EFCAB13: variants seen among roughly 807,000 people sequenced by gnomAD.
The protein encoded by EFCAB13 is EF-hand calcium binding domain 13.
In EFCAB13, 91 loss-of-function variants were observed where a neutral mutation model predicts 110.2. The observed-to-expected ratio is 0.83, with a 90% CI of 0.70 to 0.98. The LOEUF (loss-of-function observed/expected upper bound fraction) is 0.98, where lower values mean the gene tolerates loss of function less well. Ranked by LOEUF, EFCAB13 falls within the 50% of genes least tolerant of loss-of-function variation. EFCAB13 has a pLI of 0.00. For missense variants in EFCAB13, 968 were observed against 1,119.4 expected (o/e 0.86, Z 1.93); for synonymous variants, 323 against 369.9 (o/e 0.87, Z 1.45).
At chr17:47,344,330 G>C (rs570321002) in intron 7 of EFCAB13, 38 bp downstream of exon 7, 2 of 1,595,142 alleles carry the variant, frequency 1.3e-6, no homozygotes, top group Non-Finnish European at 8.5e-7. Flanking sequence ...TAAATGTTGG[G>C]TTCAGACTTG....
chr17:47,375,083 C>A (rs2065607282), intron 12 of EFCAB13, 117 bp downstream of exon 12: 2 of 1,042,788 alleles, frequency 1.9e-6, no homozygotes, highest in Non-Finnish European at 2.5e-6. Flanking sequence ...ACCACCACTT[C>A]TTTTTTTTTT....
At chr17:47,362,665 T>C (rs1429790294) in intron 10 of EFCAB13, among the ~76,000 whole-genome samples, 1 of 152,180 alleles carries the variant, frequency 6.6e-6, no homozygotes, top group East Asian at 1.9e-4. Flanking sequence ...TGCCTTCATG[T>C]TCCATCCTGT....
At chr17:47,426,935 T>C (rs1904982916) in intron 23 of EFCAB13, among the ~76,000 whole-genome samples, 1 of 152,130 alleles carries the variant, frequency 6.6e-6, no homozygotes, top group African/African-American at 2.4e-5. Context: ...TTTACTATCA[T>C]AAGAATTTAA....
rs888955439 is a variant in EFCAB13 at position 47,362,575 on chromosome 17, G to A, written c.805+1054G>A. On this transcript the variant is annotated intron_variant, in intron 10 of 24. Transcript: ENST00000331493. ...GGAGGGCCTGACGGAGGGCCTGACTGATGTCAGGCCTGCCCGCAGTTATCC... is the reference window on the plus strand; with the variant it reads ...GGAGGGCCTGACGGAGGGCCTGACTAATGTCAGGCCTGCCCGCAGTTATCC... 4.6e-5 allele frequency among the ~76,000 whole-genome samples: 7 copies of A among 152,084 alleles called. No individual in the cohort carries two copies. The South Asian group carries it at 8.3e-4, about 18-fold the overall frequency.
chr17:47,362,756 C>T (rs560689475), intron 10 of EFCAB13, among the ~76,000 whole-genome samples: 43 of 152,346 alleles, frequency 2.8e-4, no homozygotes, highest in South Asian at 6.2e-4. Flanking sequence ...AGCTGTCTGT[C>T]TGTCTGTCTG....
At chr17:47,370,569 C>G in intron 11 of EFCAB13, 61 bp downstream of exon 11, 1 of 1,131,326 alleles carries the variant, frequency 8.8e-7, no homozygotes, top group Middle Eastern at 2.8e-4. Flanking sequence ...TACATTAAAT[C>G]TTAATTTATA....
chr17:47,360,711 C>T (rs1465173762), intron 9 of EFCAB13, among the ~76,000 whole-genome samples: 1 of 152,070 alleles, frequency 6.6e-6, no homozygotes, highest in African/African-American at 2.4e-5. Context: ...ATGCCTATGT[C>T]CTGAATGGTA....
chr17:47,421,641 G>GAA (rs375256582), intron 23 of EFCAB13, among the ~76,000 whole-genome samples: 83,606 of 128,418 alleles, frequency 0.65, 26,958 homozygotes, highest in African/African-American at 0.81. Context: ...AAGAAAGAAA[G>GAA]AAAAAAAAAA....
chr17:47,429,782 G>T, intron 23 of EFCAB13, 36 bp from the exon 24 acceptor site: 1 of 1,550,710 alleles, frequency 6.4e-7, no homozygotes, highest in Non-Finnish European at 8.8e-7. Context: ...CTCTATTTCT[G>T]CTGTTGAAAC....
chr17:47,361,719 T>A (rs1306566634), intron 10 of EFCAB13, among the ~76,000 whole-genome samples, 198 bp downstream of exon 10: 1 of 152,184 alleles, frequency 6.6e-6, no homozygotes, highest in Non-Finnish European at 1.5e-5. Flanking sequence ...TTTCTAAAAT[T>A]GTTATAGTTT....
At chr17:47,388,955 G>A (rs1006782795) in intron 14 of EFCAB13, among the ~76,000 whole-genome samples, 2 of 151,902 alleles carry the variant, frequency 1.3e-5, no homozygotes, top group Non-Finnish European at 2.9e-5. Flanking sequence ...GGTGTGAAAT[G>A]GTATTTCACT....
chr17:47,421,364 T>C (rs111724677), intron 23 of EFCAB13, among the ~76,000 whole-genome samples: 13,303 of 152,062 alleles, frequency 0.087, 839 homozygotes, highest in East Asian at 0.35. Context: ...GAAACATGTG[T>C]ACTCAGGGTT....
intron 9 of EFCAB13, among the ~76,000 whole-genome samples, chr17:47,357,340 A>G (rs1425120351): frequency 6.6e-6 from 1 of 152,186 alleles, no homozygotes; most frequent in Non-Finnish European, 1.5e-5. Context: ...TTAAATCACA[A>G]CTTAGAATAG....
rs1904374144 is a variant in EFCAB13 at position 47,414,706 on chromosome 17, C to CTATGGGAT, written c.2423-139_2423-138insGGGATTAT. Reference sequence around the variant, plus strand: ...GTGGTTTTAAAAAGTGTTAAAAGTTCTATTGAAATAGTTTCAATCATTTGA... The same window carrying CTATGGGAT: ...GTGGTTTTAAAAAGTGTTAAAAGTTCTATGGGATTATTGAAATAGTTTCAATCATTTGA... On this transcript the variant is annotated intron_variant, in intron 22 of 24. Coordinates refer to ENST00000331493, the MANE Select transcript of EFCAB13 (RefSeq NM_152347.5). 3 of 646,194 alleles carry CTATGGGAT rather than the reference C, an allele frequency of 4.6e-6. No homozygotes were observed. The East Asian group carries it at 8.7e-5, about 19-fold the overall frequency. 40.0% of individuals were successfully genotyped at this position (646,194 alleles called of 1,614,324 possible).
chr17:47,393,590 C>G (rs1014557746), intron 15 of EFCAB13, among the ~76,000 whole-genome samples: 1 of 151,984 alleles, frequency 6.6e-6, no homozygotes, highest in African/African-American at 2.4e-5. Flanking sequence ...TGGTGACGTG[C>G]CTGTAATCCC....
intron 10 of EFCAB13, among the ~76,000 whole-genome samples, chr17:47,362,222 T>C (rs1813522167): frequency 2.6e-5 from 4 of 152,276 alleles, no homozygotes; most frequent in African/African-American, 9.6e-5. Context: ...TAGCAATTAC[T>C]CTTTATTTCA....
At chr17:47,422,712 A>C (rs1488677258) in intron 23 of EFCAB13, among the ~76,000 whole-genome samples, 1 of 152,222 alleles carries the variant, frequency 6.6e-6, no homozygotes. Flanking sequence ...TTTAAACAGA[A>C]AACTACAAAA....
rs958248270 is a variant in EFCAB13 at position 47,427,932 on chromosome 17, A to G, written c.2495-1886A>G. Among the ~76,000 whole-genome samples the G allele has an allele frequency of 1.1e-4, 17 of 152,182 alleles. No individual in the cohort carries two copies. The East Asian group carries it at 3.3e-3, about 29-fold the overall frequency. On this transcript the variant is annotated intron_variant, in intron 23 of 24. Coordinates refer to ENST00000331493, the MANE Select transcript of EFCAB13 (RefSeq NM_152347.5). ...TTTGAGTTTGTTTAGAAATAAAAAA[A>G]ATGTTTAAAAGCTTTAAAAAAGGGT...
chr17:47,369,585 C>T (rs2065570004), intron 10 of EFCAB13: 1 of 152,410 alleles, frequency 6.6e-6, no homozygotes, highest in South Asian at 2.1e-4. Flanking sequence ...CTTCCTGTTT[C>T]TGGAAAACAA....
Sources: gnomAD v4.1 joint callset for allele counts (sites outside exome capture counted in the v4.1 genomes callset) on GRCh38, gnomAD v4.1.1 for gene constraint, MANE v1.5 for transcripts, NCBI Gene and HGNC (gene_info 2026-07-23, HGNC 2026-07-21) for gene names.